The following SLC4A4 variants were observed in gnomAD, a reference collection of about 807,000 sequenced individuals.
SLC4A4 encodes the protein electrogenic sodium bicarbonate cotransporter 1.
Under a neutral mutation model 111.5 loss-of-function variants are expected in SLC4A4, and 27 were observed. That is an observed-to-expected ratio of 0.24 (90% CI 0.18 to 0.33). SLC4A4 has a LOEUF of 0.33. Ranked by LOEUF, SLC4A4 falls within the 10% of genes least tolerant of loss-of-function variation. The pLI is 1.00. For synonymous variants in SLC4A4, 443 were observed against 463.4 expected (o/e 0.96, Z 0.57); for missense variants, 909 against 1,315.5 (o/e 0.69, Z 4.78).
chr4:71,422,215 G>A (rs1406044171), intron 7 of SLC4A4, among the ~76,000 whole-genome samples: 149 of 137,464 alleles, frequency 1.1e-3, no homozygotes, highest in African/African-American at 3.6e-3. Context: ...ACACCTCTAC[G>A]CAAATAAACT....
intron 3 of SLC4A4, among the ~76,000 whole-genome samples, chr4:71,333,517 C>T (rs560928528): frequency 6.6e-6 from 1 of 152,174 alleles, no homozygotes; most frequent in Non-Finnish European, 1.5e-5. Context: ...CACCCAAGGC[C>T]CACAGTGACC....
intron 18 of SLC4A4, among the ~76,000 whole-genome samples, chr4:71,538,478 A>G (rs762787683): frequency 2.0e-5 from 3 of 152,148 alleles, no homozygotes; most frequent in Non-Finnish European, 4.4e-5. Context: ...ACCAGTGAAC[A>G]TTTCATCATT....
intron 3 of SLC4A4, among the ~76,000 whole-genome samples, chr4:71,311,549 T>C (rs1726165476): frequency 4.0e-5 from 6 of 151,352 alleles, no homozygotes; most frequent in African/African-American, 1.5e-4. Context: ...CTCAAAACCA[T>C]GTATGTGGAA....
At chr4:71,086,188 T>C (rs1015460960) in intron 1 of SLC4A4, among the ~76,000 whole-genome samples, 6 of 151,758 alleles carry the variant, frequency 4.0e-5, no homozygotes, top group Non-Finnish European at 7.4e-5. Flanking sequence ...AGTTCACTCA[T>C]GATTTGGCTC....
chr4:71,324,771 A>T (rs1159933130), intron 3 of SLC4A4, among the ~76,000 whole-genome samples: 1 of 152,002 alleles, frequency 6.6e-6, no homozygotes, highest in Admixed American at 6.6e-5. Flanking sequence ...ATTTTTCTAC[A>T]TTTTTAAGAT....
chr4:71,212,046 G>A (rs1021091472), intron 1 of SLC4A4, among the ~76,000 whole-genome samples: 1 of 152,234 alleles, frequency 6.6e-6, no homozygotes, highest in Non-Finnish European at 1.5e-5. Context: ...CTGGTTGTGT[G>A]TGAAGACAAC....
intron 1 of SLC4A4, among the ~76,000 whole-genome samples, chr4:71,069,263 C>T (rs1274853342): frequency 6.6e-6 from 1 of 152,088 alleles, no homozygotes; most frequent in Non-Finnish European, 1.5e-5. Context: ...TTTAAAGAAA[C>T]TTTACAAGGA....
At position 71,317,128 on chromosome 4, in the gene SLC4A4, G is replaced by T. The variant is rs529314609; in HGVS notation, c.254-22242G>T. ...TGTGTACTGTCAGATGATTTTATTC[G>T]TATTTTTCTAGTGTTCACCCATCAT... On this transcript the variant is annotated intron_variant, in intron 3 of 25. Coordinates refer to ENST00000264485, the MANE Select transcript of SLC4A4 (RefSeq NM_001098484.3). 1.8e-4 allele frequency among the ~76,000 whole-genome samples: 27 copies of T among 150,404 alleles called. No homozygotes were observed. In the South Asian group the frequency reaches 5.1e-3, roughly 28 times the overall value.
intron 19 of SLC4A4, 45 bp from the exon 20 acceptor site, chr4:71,547,603 T>G: frequency 1.4e-6 from 2 of 1,481,052 alleles, no homozygotes; most frequent in Non-Finnish European, 1.9e-6. Flanking sequence ...AGAGCATGTT[T>G]ATGAAGACAA....
At chr4:71,149,545 A>G (rs923404056) in intron 2 of SLC4A4, among the ~76,000 whole-genome samples, 3 of 152,188 alleles carry the variant, frequency 2.0e-5, no homozygotes, top group African/African-American at 7.2e-5. Flanking sequence ...TTCAGGTGTG[A>G]GCAAGAAATT....
In SLC4A4 at chr4:71,560,276, A is replaced by G. The variant is rs544126559; in HGVS notation, c.3099+22A>G. The G allele has an allele frequency of 1.4e-5, 22 of 1,590,504 alleles. No homozygotes were observed. The African/African-American group carries it at 3.0e-4, about 21-fold the overall frequency. On this transcript the variant is annotated intron_variant, in intron 23 of 25. Coordinates refer to ENST00000264485, the MANE Select transcript of SLC4A4 (RefSeq NM_001098484.3). The stretch of plus-strand genomic sequence containing the variant: ...TGATGTAAGGAACTTTCCAAATTCC[A>G]AAGGAAAGCTAGTTAAAGAAACAAA...
chr4:71,419,194 C>T (rs920115325), intron 7 of SLC4A4, among the ~76,000 whole-genome samples: 4 of 152,312 alleles, frequency 2.6e-5, no homozygotes, highest in East Asian at 1.9e-4. Flanking sequence ...TCTCCAGCTG[C>T]GTGCTGGGAG....
chr4:71,552,256 A>G (rs1178835238), intron 20 of SLC4A4, among the ~76,000 whole-genome samples: 4 of 151,936 alleles, frequency 2.6e-5, no homozygotes, highest in East Asian at 1.9e-4. Flanking sequence ...TCAATGTTAC[A>G]TAAGTAGTAG....
At chr4:71,448,978 T>C (rs1725515524) in intron 9 of SLC4A4, among the ~76,000 whole-genome samples, 1 of 152,228 alleles carries the variant, frequency 6.6e-6, no homozygotes, top group African/African-American at 2.4e-5. Flanking sequence ...TTTTGTAATT[T>C]AGATCTGTTT....
chr4:71,527,760 T>TA (rs1175116677), intron 16 of SLC4A4, among the ~76,000 whole-genome samples: 2 of 152,010 alleles, frequency 1.3e-5, no homozygotes, highest in Admixed American at 6.6e-5. Context: ...TCAGTATATA[T>TA]AAAAAATCCA....
chr4:71,339,548 A>G (rs779108611), intron 4 of SLC4A4, 43 bp downstream of exon 4: 1 of 1,597,594 alleles, frequency 6.3e-7, no homozygotes, highest in South Asian at 1.1e-5. Flanking sequence ...CCAGGGAAAC[A>G]AGGGCAGGGC....
intron 2 of SLC4A4, among the ~76,000 whole-genome samples, chr4:71,142,898 T>C (rs1244438523): frequency 6.6e-6 from 1 of 151,412 alleles, no homozygotes. Flanking sequence ...TCCAAAGAAC[T>C]ATTTGGCACT....
chr4:71,350,555 C>T (rs1252479793), intron 5 of SLC4A4, among the ~76,000 whole-genome samples: 1 of 151,992 alleles, frequency 6.6e-6, no homozygotes, highest in Admixed American at 6.6e-5. Context: ...ACTTCAGATG[C>T]ATGAAAAGTG....
At chr4:71,273,678 CT>C (rs772319559) in intron 3 of SLC4A4, among the ~76,000 whole-genome samples, 6,405 of 133,918 alleles carry the variant, frequency 0.048, 336 homozygotes, top group African/African-American at 0.14. Flanking sequence ...TTCTAGAATT[CT>C]TTTTTTTTTT....
Sources: gnomAD v4.1 joint callset for allele counts (sites outside exome capture counted in the v4.1 genomes callset) on GRCh38, gnomAD v4.1.1 for gene constraint, MANE v1.5 for transcripts, NCBI Gene and HGNC (gene_info 2026-07-23, HGNC 2026-07-21) for gene names.